ANKRD6: variants seen among roughly 807,000 people sequenced by gnomAD.
ANKRD6 encodes the protein ankyrin repeat domain-containing protein 6.
In ANKRD6, 56 loss-of-function variants were observed where a neutral mutation model predicts 82.3. The ratio of observed to expected loss-of-function variants is 0.68; its 90% CI spans 0.55 to 0.85. ANKRD6 has a LOEUF of 0.85. Ranked by LOEUF, ANKRD6 falls within the 40% of genes least tolerant of loss-of-function variation. The pLI is 0.00. For missense variants in ANKRD6, 852 were observed against 907.6 expected (o/e 0.94, Z 0.79); for synonymous variants, 347 against 352.1 (o/e 0.99, Z 0.16).
At chr6:89,462,874 T>G (rs370578779) in intron 1 of ANKRD6, among the ~76,000 whole-genome samples, 1 of 151,364 alleles carries the variant, frequency 6.6e-6, no homozygotes, top group African/African-American at 2.4e-5. Context: ...AGTTTTTTTT[T>G]TTTTTTTTTC....
At chr6:89,485,870 C>T (rs981769198) in intron 1 of ANKRD6, among the ~76,000 whole-genome samples, 1 of 152,178 alleles carries the variant, frequency 6.6e-6, no homozygotes, top group African/African-American at 2.4e-5. Context: ...TACTAATCCT[C>T]ACCAGAAATT....
chr6:89,530,212 G>A (rs1234596847), intron 1 of ANKRD6, among the ~76,000 whole-genome samples: 1 of 152,118 alleles, frequency 6.6e-6, no homozygotes, highest in African/African-American at 2.4e-5. Flanking sequence ...CTGTGACTGT[G>A]CCACTACACT....
chr6:89,513,048 C>A (rs1780747314), intron 1 of ANKRD6, among the ~76,000 whole-genome samples: 1 of 152,152 alleles, frequency 6.6e-6, no homozygotes, highest in South Asian at 2.1e-4. Flanking sequence ...CCTCCGCTTC[C>A]TGAGTAGCTG....
chr6:89,509,084 G>A (rs1271506288), intron 1 of ANKRD6: 2 of 152,270 alleles, frequency 1.3e-5, no homozygotes, highest in Admixed American at 6.5e-5. Context: ...CCCTCTGGGC[G>A]ACTGTGCACC....
intron 4 of ANKRD6, among the ~76,000 whole-genome samples, chr6:89,604,487 G>T (rs1798034181): frequency 6.7e-6 from 1 of 149,292 alleles, no homozygotes; most frequent in Non-Finnish European, 1.5e-5. Context: ...TTTCTTTAAA[G>T]AGGCTATGCT....
intron 1 of ANKRD6, among the ~76,000 whole-genome samples, chr6:89,516,408 G>C (rs1357131163): frequency 6.6e-6 from 1 of 152,138 alleles, no homozygotes; most frequent in Non-Finnish European, 1.5e-5. Flanking sequence ...TTACACCACT[G>C]GTTTTCCTGG....
chr6:89,539,746 T>C (rs1784248164), intron 1 of ANKRD6, among the ~76,000 whole-genome samples: 1 of 151,668 alleles, frequency 6.6e-6, no homozygotes, highest in Non-Finnish European at 1.5e-5. Flanking sequence ...TTATTCTTTT[T>C]TTTTTTTTAC....
chr6:89,448,000 T>C (rs1466720393), intron 1 of ANKRD6, among the ~76,000 whole-genome samples: 1 of 152,110 alleles, frequency 6.6e-6, no homozygotes, highest in Non-Finnish European at 1.5e-5. Flanking sequence ...TTTAGGACTT[T>C]CATAGCTAGA....
chr6:89,493,602 A>G (rs1327212856), intron 1 of ANKRD6, among the ~76,000 whole-genome samples: 2 of 151,988 alleles, frequency 1.3e-5, no homozygotes, highest in Non-Finnish European at 2.9e-5. Flanking sequence ...TTGTAAAGAC[A>G]GGGCCTCACT....
At chr6:89,458,159 A>G (rs953789977) in intron 1 of ANKRD6, among the ~76,000 whole-genome samples, 1 of 152,214 alleles carries the variant, frequency 6.6e-6, no homozygotes, top group Non-Finnish European at 1.5e-5. Context: ...CACTGAGTCT[A>G]TGGTATTCTG....
intron 1 of ANKRD6, among the ~76,000 whole-genome samples, chr6:89,536,033 C>T (rs1562749682): frequency 6.6e-6 from 1 of 152,166 alleles, no homozygotes; most frequent in Non-Finnish European, 1.5e-5. Flanking sequence ...AGTTTGAGAC[C>T]AGCCTCACCA....
intron 1 of ANKRD6, among the ~76,000 whole-genome samples, chr6:89,485,014 G>A (rs1279888356): frequency 1.3e-5 from 2 of 152,290 alleles, no homozygotes; most frequent in African/African-American, 4.8e-5. Flanking sequence ...GTGGGAACAT[G>A]TCAGGTTGCC....
At chr6:89,541,644 G>A (rs73490522) in intron 1 of ANKRD6, among the ~76,000 whole-genome samples, 136 of 151,566 alleles carry the variant, frequency 9.0e-4, no homozygotes, top group African/African-American at 3.1e-3. Flanking sequence ...CGCCTGCCTC[G>A]GCCCCCCAGT....
At chr6:89,506,435 C>T (rs1022705246) in intron 1 of ANKRD6, among the ~76,000 whole-genome samples, 1 of 152,184 alleles carries the variant, frequency 6.6e-6, no homozygotes, top group Admixed American at 6.5e-5. Flanking sequence ...CTGCTTCAGC[C>T]TCTCGAGTAG....
chr6:89,579,469 C>T (rs893638899), intron 2 of ANKRD6, among the ~76,000 whole-genome samples: 20 of 152,238 alleles, frequency 1.3e-4, no homozygotes, highest in East Asian at 3.9e-4. Context: ...CTCATGAGAT[C>T]GCCATCAAGA....
chr6:89,570,314 G>T (rs1020047386), intron 2 of ANKRD6, among the ~76,000 whole-genome samples: 3 of 152,006 alleles, frequency 2.0e-5, no homozygotes, highest in Admixed American at 6.5e-5. Flanking sequence ...TCCCTCCTCA[G>T]CCTCCCAAAG....
intron 1 of ANKRD6, among the ~76,000 whole-genome samples, chr6:89,506,253 A>T (rs1186701664): frequency 1.3e-5 from 2 of 152,194 alleles, no homozygotes; most frequent in African/African-American, 4.8e-5. Context: ...AATTAACCCG[A>T]TTGTGGTACT....
At chr6:89,548,214 A>G (rs181596600) in intron 1 of ANKRD6, among the ~76,000 whole-genome samples, 40 of 152,292 alleles carry the variant, frequency 2.6e-4, no homozygotes, top group Non-Finnish European at 5.9e-5. Context: ...TCTCCTGGCA[A>G]CCACTAATCT....
chr6:89,546,385 A>G (rs1212448423), intron 1 of ANKRD6, among the ~76,000 whole-genome samples: 2 of 152,226 alleles, frequency 1.3e-5, no homozygotes, highest in African/African-American at 4.8e-5. Context: ...GGACAGTGTA[A>G]CAAGCTAATG....
Sources: gnomAD v4.1 joint callset for allele counts (sites outside exome capture counted in the v4.1 genomes callset) on GRCh38, gnomAD v4.1.1 for gene constraint, MANE v1.5 for transcripts, NCBI Gene and HGNC (gene_info 2026-07-23, HGNC 2026-07-21) for gene names.